Variants in DOCK2 observed in about 807,000 individuals in gnomAD.
DOCK2 encodes the protein dedicator of cytokinesis protein 2.
A neutral mutation model predicts 248.9 loss-of-function variants in DOCK2; 87 were observed. That is an observed-to-expected ratio of 0.35 (90% CI 0.29 to 0.42). The LOEUF is 0.42. Among genes scored for constraint, DOCK2 ranks in the 10% least tolerant of loss-of-function variants. DOCK2 has a pLI of 1.00. For synonymous variants in DOCK2, 805 were observed against 821.6 expected (o/e 0.98, Z 0.35); for missense variants, 1,747 against 2,300.2 (o/e 0.76, Z 4.92).
intron 27 of DOCK2, among the ~76,000 whole-genome samples, chr5:169,951,681 T>A (rs551235882): frequency 6.6e-6 from 1 of 152,380 alleles, no homozygotes; most frequent in Admixed American, 6.5e-5. Flanking sequence ...AATAATGGTA[T>A]AATTTTGAGC....
intron 6 of DOCK2, among the ~76,000 whole-genome samples, chr5:169,679,213 C>CT (rs1468005248): frequency 6.6e-6 from 1 of 152,100 alleles, no homozygotes; most frequent in African/African-American, 2.4e-5. Context: ...CTGATTTTAC[C>CT]TTTTTTAAAA....
At chr5:169,672,234 C>T (rs554387727) in intron 5 of DOCK2, among the ~76,000 whole-genome samples, 2 of 152,220 alleles carry the variant, frequency 1.3e-5, no homozygotes, top group African/African-American at 4.8e-5. Context: ...CCTTGAACTC[C>T]TGACCTCAAG....
At chr5:169,835,660 A>G (rs1409998395) in intron 26 of DOCK2, among the ~76,000 whole-genome samples, 1 of 152,228 alleles carries the variant, frequency 6.6e-6, no homozygotes, top group Non-Finnish European at 1.5e-5. Context: ...ATGTTCATAA[A>G]TGCCAAAATA....
chr5:169,830,781 C>T (rs1223253116), intron 26 of DOCK2, among the ~76,000 whole-genome samples: 2 of 152,194 alleles, frequency 1.3e-5, no homozygotes, highest in African/African-American at 2.4e-5. Context: ...GCCCATGTTA[C>T]TTTGCAGTGC....
At chr5:169,677,762 C>T (rs1250183111) in intron 6 of DOCK2, among the ~76,000 whole-genome samples, 1 of 152,190 alleles carries the variant, frequency 6.6e-6, no homozygotes, top group Non-Finnish European at 1.5e-5. Context: ...GTAACGGGGA[C>T]ACAGGGCATT....
At chr5:169,695,446 G>A (rs775211213) in intron 9 of DOCK2, 8 of 192,302 alleles carry the variant, frequency 4.2e-5, no homozygotes, top group African/African-American at 4.8e-5. Context: ...GGTGTCATCC[G>A]AGTCATCTGT....
At position 170,027,768 on chromosome 5, in the gene DOCK2, G is replaced by T. The variant is rs1755971290; in HGVS notation, c.3382-95G>T. On this transcript the variant is annotated intron_variant, in intron 33 of 51. Coordinates refer to ENST00000520908, the MANE Select transcript of DOCK2 (RefSeq NM_004946.3). The stretch of plus-strand genomic sequence containing the variant: ...CAGCACTCAACCTGGGAGATAAAGA[G>T]TGCTCCCTAAAGCTTTGGTTGAAAT... 6 of 1,148,188 alleles carry T rather than the reference G, an allele frequency of 5.2e-6. No homozygotes were observed. The South Asian group carries it at 9.0e-5, about 17-fold the overall frequency. The allele number at this position is 1,148,188 out of a possible 1,614,324, so 71.1% of individuals were successfully genotyped here.
chr5:170,027,953 G>A lies in DOCK2; in HGVS notation c.3467+5G>A. On this transcript the variant is annotated splice_donor_5th_base_variant and intron_variant, in intron 34 of 51. Transcript: ENST00000520908. ...CATGCAGCTCCTGGAGTCAATGTAA[G>A]TTCAGTGCCCTGTGTGTAGGAACAG... The A allele has an allele frequency of 1.2e-6, 2 of 1,611,292 alleles. No individual in the cohort carries two copies. Among genetic ancestry groups the A allele is most frequent in the Non-Finnish European group, 1.7e-6 (2 of 1,178,368 alleles).
At chr5:169,645,951 G>A (rs1030318416) in intron 1 of DOCK2, among the ~76,000 whole-genome samples, 8 of 151,938 alleles carry the variant, frequency 5.3e-5, no homozygotes, top group African/African-American at 1.7e-4. Context: ...GGGTTTCACC[G>A]TGTTAGCCAG....
chr5:169,880,321 C>T (rs1319016898), intron 27 of DOCK2, among the ~76,000 whole-genome samples: 1 of 152,222 alleles, frequency 6.6e-6, no homozygotes, highest in Non-Finnish European at 1.5e-5. Context: ...TTCTGCCTTC[C>T]AGGCATATGG....
At chr5:169,881,281 C>T in intron 27 of DOCK2, 1 of 1,139,916 alleles carries the variant, frequency 8.8e-7, no homozygotes, top group South Asian at 1.4e-5. Flanking sequence ...CCTCTCTTGA[C>T]TTTTTGCATT....
intron 30 of DOCK2, among the ~76,000 whole-genome samples, chr5:170,008,032 A>C (rs73312341): frequency 0.049 from 7,456 of 152,186 alleles, 545 homozygotes; most frequent in African/African-American, 0.16. Flanking sequence ...TTGGTCCTCC[A>C]AGCTGTCAGG....
chr5:170,008,195 A>AAAC lies in DOCK2; in HGVS notation c.3073-272_3073-270dup, dbSNP rs570456552. On this transcript the variant is annotated intron_variant, in intron 30 of 51. Coordinates refer to ENST00000520908, the MANE Select transcript of DOCK2 (RefSeq NM_004946.3). Reference sequence around the variant, plus strand: ...AAAACAGAACAAAGCACAAGGACAAAAACAACAACAACAACAACAACAACA... The same window carrying AAAC: ...AAAACAGAACAAAGCACAAGGACAAAAACAACAACAACAACAACAACAACAACA... Among the ~76,000 whole-genome samples the AAAC allele has an allele frequency of 2.7e-3, 368 of 134,586 alleles. 3 individuals are homozygous for AAAC. Among genetic ancestry groups the AAAC allele is most frequent in the East Asian group, 0.021 (95 of 4,614 alleles). The allele number at this position is 134,586 out of a possible 152,430, so 88.3% of individuals were successfully genotyped here. A position where few individuals can be genotyped will look rare whatever the true frequency, so the allele number is the denominator to read the frequency against.
intron 33 of DOCK2, among the ~76,000 whole-genome samples, chr5:170,020,326 C>T (rs1033162681): frequency 2.0e-5 from 3 of 152,200 alleles, no homozygotes; most frequent in Admixed American, 2.0e-4. Flanking sequence ...ATCCAAATGC[C>T]ATGTCACCTA....
At chr5:169,643,713 TC>T (rs1375945455) in intron 1 of DOCK2, among the ~76,000 whole-genome samples, 2 of 152,098 alleles carry the variant, frequency 1.3e-5, no homozygotes. Flanking sequence ...GGCACTCAGT[TC>T]CCCTGACTGC....
At chr5:169,840,024 G>C (rs1769845149) in intron 26 of DOCK2, among the ~76,000 whole-genome samples, 1 of 152,162 alleles carries the variant, frequency 6.6e-6, no homozygotes, top group Non-Finnish European at 1.5e-5. Flanking sequence ...GTCTGTTCTT[G>C]CGCTGCTATA....
At chr5:169,879,808 G>A (rs548697448) in intron 27 of DOCK2, among the ~76,000 whole-genome samples, 1 of 152,256 alleles carries the variant, frequency 6.6e-6, no homozygotes, top group South Asian at 2.1e-4. Context: ...ATTTGCCCAA[G>A]GCGAGGTCAT....
At chr5:169,802,811 A>C (rs1000618222) in intron 25 of DOCK2, among the ~76,000 whole-genome samples, 2 of 152,200 alleles carry the variant, frequency 1.3e-5, no homozygotes, top group African/African-American at 4.8e-5. Flanking sequence ...TATATAAAAT[A>C]TATAGAACAT....
At position 169,864,173 on chromosome 5, in the gene DOCK2, AG is replaced by A. The variant is rs981322040; in HGVS notation, c.2799+23324del. On this transcript the variant is annotated intron_variant, in intron 27 of 51. Transcript: ENST00000520908. ...TCACAGGCCAAGGGGCTCACAGCCC[AG>A]GGCCTTTGCAAAGAAGCAGGGCAGG... The A allele has an allele frequency of 1.0e-5, 11 of 1,078,610 alleles. No homozygotes were observed. In the African/African-American group the frequency reaches 1.1e-4, roughly 11 times the overall value. The allele number at this position is 1,078,610 out of a possible 1,614,324, so 66.8% of individuals were successfully genotyped here.
Sources: allele counts gnomAD v4.1 joint callset (sites outside exome capture counted in the v4.1 genomes callset), GRCh38; gene constraint gnomAD v4.1.1; transcripts MANE v1.5; gene names NCBI Gene and HGNC (gene_info 2026-07-23, HGNC 2026-07-21).